Variants in LRFN5 observed in about 807,000 individuals in gnomAD.
LRFN5 encodes leucine-rich repeat and fibronectin type-III domain-containing protein 5.
In LRFN5, 24 loss-of-function variants were observed where a neutral mutation model predicts 45.6. The ratio of observed to expected loss-of-function variants is 0.53; its 90% CI spans 0.38 to 0.74. The LOEUF (loss-of-function observed/expected upper bound fraction) is 0.74. Among genes scored for constraint, LRFN5 ranks in the 30% least tolerant of loss-of-function variants. The pLI, the probability that LRFN5 is intolerant of heterozygous loss-of-function variation, is 0.00. For synonymous variants in LRFN5, 340 were observed against 313.8 expected (o/e 1.08, Z -0.88); for missense variants, 776 against 861.5 (o/e 0.90, Z 1.24).
intron 2 of LRFN5, among the ~76,000 whole-genome samples, chr14:41,785,513 A>G (rs993161645): frequency 2.0e-5 from 3 of 152,080 alleles, no homozygotes; most frequent in African/African-American, 4.8e-5. Flanking sequence ...ATACTATATC[A>G]CATATGGCAG....
intron 4 of LRFN5, chr14:41,892,350 G>A (rs1890815654): frequency 1.0e-6 from 1 of 983,798 alleles, no homozygotes; most frequent in African/African-American, 1.8e-5. Flanking sequence ...TATACTGGAA[G>A]GAAACATAAA....
chr14:41,660,854 A>G (rs915831180), intron 1 of LRFN5, among the ~76,000 whole-genome samples: 5 of 150,948 alleles, frequency 3.3e-5, no homozygotes, highest in Admixed American at 1.3e-4. Context: ...TCTATGAACT[A>G]TTTAGAATGC....
rs1364285099 is a variant in LRFN5 at position 41,898,862 on chromosome 14, A to G, written c.2099-55A>G. The G allele has an allele frequency of 4.7e-6, 7 of 1,489,132 alleles. No individual in the cohort carries two copies. The African/African-American group carries it at 7.0e-5, about 15-fold the overall frequency. 92.2% of individuals were successfully genotyped at this position (1,489,132 alleles called of 1,614,324 possible). A position where few individuals can be genotyped will look rare whatever the true frequency, so the allele number is the denominator to read the frequency against. On this transcript the variant is annotated intron_variant, in intron 4 of 5. Transcript: ENST00000298119. ...AAGATTTCAGTAAGAGGTTTTTTGA[A>G]TCTATTTCTTTTAAAAAAATGAATT...
chr14:41,723,641 A>G (rs1219101962), intron 1 of LRFN5, among the ~76,000 whole-genome samples: 1 of 152,080 alleles, frequency 6.6e-6, no homozygotes, highest in East Asian at 1.9e-4. Flanking sequence ...CAGGTCCCCA[A>G]GCTGACTCTT....
chr14:41,747,108 A>G (rs1477687303), intron 1 of LRFN5, among the ~76,000 whole-genome samples: 6 of 152,036 alleles, frequency 3.9e-5, no homozygotes, highest in Admixed American at 1.3e-4. Context: ...AGTTAATATT[A>G]AAACATCAGT....
At chr14:41,895,037 A>G in intron 4 of LRFN5, 1 of 984,526 alleles carries the variant, frequency 1.0e-6, no homozygotes, top group Non-Finnish European at 1.2e-6. Context: ...TTATAGTTTC[A>G]GCTTGTTCAA....
chr14:41,889,300 G>C (rs1193501389), intron 3 of LRFN5, among the ~76,000 whole-genome samples: 1 of 151,760 alleles, frequency 6.6e-6, no homozygotes, highest in African/African-American at 2.4e-5. Flanking sequence ...GATCAGCTCA[G>C]AGCAGTATTC....
At chr14:41,824,198 A>G (rs1367564564) in intron 2 of LRFN5, among the ~76,000 whole-genome samples, 2 of 152,198 alleles carry the variant, frequency 1.3e-5, no homozygotes, top group African/African-American at 4.8e-5. Flanking sequence ...ATTCATTGTT[A>G]GAGAGCTGTT....
At chr14:41,673,406 C>A (rs1417998037) in intron 1 of LRFN5, among the ~76,000 whole-genome samples, 1 of 145,362 alleles carries the variant, frequency 6.9e-6, no homozygotes, top group South Asian at 2.1e-4. Context: ...ACCCGCCCCC[C>A]ACCTCACTGC....
intron 1 of LRFN5, among the ~76,000 whole-genome samples, chr14:41,732,512 A>G (rs1184573494): frequency 6.6e-6 from 1 of 152,206 alleles, no homozygotes; most frequent in African/African-American, 2.4e-5. Context: ...TACAGGCTTA[A>G]ATAAGACATG....
chr14:41,793,555 C>CAGAGA (rs1887011399), intron 2 of LRFN5, among the ~76,000 whole-genome samples: 10 of 152,126 alleles, frequency 6.6e-5, no homozygotes, highest in Non-Finnish European at 1.5e-4. Flanking sequence ...AGACCACTGC[C>CAGAGA]TCCTGGTAGG....
chr14:41,779,005 C>A (rs1024661678), intron 2 of LRFN5, among the ~76,000 whole-genome samples: 9 of 151,638 alleles, frequency 5.9e-5, no homozygotes, highest in Admixed American at 6.6e-5. Context: ...CCTTTCATTT[C>A]TTATTATACT....
At chr14:41,618,923 A>G (rs1196209421) in intron 1 of LRFN5, among the ~76,000 whole-genome samples, 1 of 152,194 alleles carries the variant, frequency 6.6e-6, no homozygotes, top group African/African-American at 2.4e-5. Flanking sequence ...CTCAGTAGGT[A>G]AAATTTTCTG....
In LRFN5 at chr14:41,904,264, C is replaced by A; in HGVS notation, c.*89C>A. 1.4e-6 allele frequency: 2 copies of A among 1,460,822 alleles called. No homozygotes were observed. 90.5% of individuals were successfully genotyped at this position (1,460,822 alleles called of 1,614,324 possible). On this transcript the variant is annotated 3_prime_UTR_variant, in exon 6 of 6. Coordinates refer to ENST00000298119, the MANE Select transcript of LRFN5 (RefSeq NM_152447.5). ...TCAAAAATGTTTCAATTCACAAAGG[C>A]TAATTGTTGAACTGGTGTCGTAGAA...
chr14:41,710,075 T>C (rs1485527716), intron 1 of LRFN5, among the ~76,000 whole-genome samples: 1 of 152,108 alleles, frequency 6.6e-6, no homozygotes, highest in African/African-American at 2.4e-5. Context: ...ATAGAATATA[T>C]TGTTGTCTTT....
At chr14:41,713,706 C>A (rs1883376638) in intron 1 of LRFN5, among the ~76,000 whole-genome samples, 1 of 152,058 alleles carries the variant, frequency 6.6e-6, no homozygotes, top group Non-Finnish European at 1.5e-5. Context: ...TATTGGCAAA[C>A]TGTTAATCAT....
chr14:41,861,495 C>T (rs1038961801), intron 2 of LRFN5, among the ~76,000 whole-genome samples: 26 of 152,038 alleles, frequency 1.7e-4, no homozygotes, highest in African/African-American at 6.0e-4. Context: ...TTAAGCATCC[C>T]GGTTTTAAAA....
At chr14:41,724,502 C>A (rs2138778056) in intron 1 of LRFN5, among the ~76,000 whole-genome samples, 1 of 152,072 alleles carries the variant, frequency 6.6e-6, no homozygotes, top group Admixed American at 6.5e-5. Context: ...GCACTGAAGA[C>A]TGAAATAATT....
chr14:41,722,174 A>G (rs1883744886), intron 1 of LRFN5, among the ~76,000 whole-genome samples: 2 of 152,020 alleles, frequency 1.3e-5, no homozygotes, highest in African/African-American at 4.8e-5. Context: ...AAGTGTTTCA[A>G]TTATATTTTG....
Sources: gnomAD v4.1 joint callset for allele counts (sites outside exome capture counted in the v4.1 genomes callset) on GRCh38, gnomAD v4.1.1 for gene constraint, MANE v1.5 for transcripts, NCBI Gene and HGNC (gene_info 2026-07-23, HGNC 2026-07-21) for gene names.